FRMD5: variants seen among roughly 807,000 people sequenced by gnomAD.
FRMD5 encodes the protein FERM domain-containing protein 5.
Under a neutral mutation model 69.0 loss-of-function variants are expected in FRMD5, and 20 were observed. The observed-to-expected ratio is 0.29, with a 90% confidence interval of 0.20 to 0.42. The LOEUF (loss-of-function observed/expected upper bound fraction) is 0.42. Ranked by LOEUF, FRMD5 falls within the 10% of genes least tolerant of loss-of-function variation. The pLI is 1.00. For missense variants in FRMD5, 595 were observed against 708.6 expected (o/e 0.84, Z 1.82); for synonymous variants, 271 against 260.1 (o/e 1.04, Z -0.40).
At chr15:44,046,061 T>G (rs1031964216) in intron 1 of FRMD5, among the ~76,000 whole-genome samples, 4 of 152,092 alleles carry the variant, frequency 2.6e-5, no homozygotes, top group African/African-American at 7.2e-5. Context: ...GTCATCTCCT[T>G]GATTAATTTA....
chr15:43,950,628 G>A (rs977703059), intron 1 of FRMD5, among the ~76,000 whole-genome samples: 5 of 152,168 alleles, frequency 3.3e-5, no homozygotes, highest in South Asian at 4.1e-4. Context: ...GAGGCCAAGC[G>A]TTCCCATTCA....
At chr15:43,876,390 G>A (rs1261603696) in intron 13 of FRMD5, 2 of 735,808 alleles carry the variant, frequency 2.7e-6, no homozygotes, top group Non-Finnish European at 4.9e-6. Context: ...GCTTTAAGAG[G>A]CAGGAATGGG....
chr15:43,925,085 A>G (rs1043824589), intron 1 of FRMD5, among the ~76,000 whole-genome samples: 1 of 150,220 alleles, frequency 6.7e-6, no homozygotes, highest in Non-Finnish European at 1.5e-5. Context: ...GCTCACTGCA[A>G]CCTCCACCAC....
chr15:43,949,165 C>A (rs566372179), intron 1 of FRMD5, among the ~76,000 whole-genome samples: 1 of 152,228 alleles, frequency 6.6e-6, no homozygotes, highest in South Asian at 2.1e-4. Flanking sequence ...CCCAAACTTA[C>A]CACTTTGGTG....
At chr15:43,892,720 T>C (rs1054694931) in intron 7 of FRMD5, among the ~76,000 whole-genome samples, 8 of 152,236 alleles carry the variant, frequency 5.3e-5, no homozygotes, top group Admixed American at 1.3e-4. Flanking sequence ...GAAAACATTA[T>C]GCCAAGTGAA....
chr15:43,883,329 C>T (rs2140353952), intron 13 of FRMD5, among the ~76,000 whole-genome samples: 1 of 152,206 alleles, frequency 6.6e-6, no homozygotes, highest in South Asian at 2.1e-4. Context: ...AACTCCTGAC[C>T]TCAAGTGATC....
intron 1 of FRMD5, among the ~76,000 whole-genome samples, chr15:43,984,336 T>C (rs115767036): frequency 2.0e-5 from 3 of 152,170 alleles, no homozygotes; most frequent in Non-Finnish European, 2.9e-5. Flanking sequence ...TTCTCCTCTA[T>C]ACACTGCCTC....
intron 5 of FRMD5, among the ~76,000 whole-genome samples, chr15:43,906,781 TTAG>T (rs2089184277): frequency 7.2e-6 from 1 of 138,378 alleles, no homozygotes; most frequent in Non-Finnish European, 1.5e-5. Context: ...TTTTGTATTT[TTAG>T]TAGAGACGGG....
At chr15:44,185,793 T>C (rs1001964783) in intron 1 of FRMD5, among the ~76,000 whole-genome samples, 1 of 144,556 alleles carries the variant, frequency 6.9e-6, no homozygotes, top group Non-Finnish European at 1.5e-5. Context: ...ACTCTTATCT[T>C]AAAAAAAAAA....
intron 1 of FRMD5, among the ~76,000 whole-genome samples, chr15:44,058,647 G>A (rs1439213387): frequency 1.7e-4 from 26 of 152,104 alleles, no homozygotes; most frequent in African/African-American, 5.5e-4. Flanking sequence ...TTAGCCAGGC[G>A]TGGTGGCGGG....
chr15:43,962,393 A>G (rs1391141451), intron 1 of FRMD5, among the ~76,000 whole-genome samples: 3 of 152,246 alleles, frequency 2.0e-5, no homozygotes, highest in African/African-American at 4.8e-5. Context: ...CCACTGTTCA[A>G]TGAAATAAAA....
At chr15:44,134,067 T>C (rs930277841) in intron 1 of FRMD5, among the ~76,000 whole-genome samples, 1 of 151,756 alleles carries the variant, frequency 6.6e-6, no homozygotes, top group Non-Finnish European at 1.5e-5. Flanking sequence ...GTTCAAAAGA[T>C]AGATGGAAAA....
chr15:43,944,959 T>A (rs76889860), intron 1 of FRMD5, among the ~76,000 whole-genome samples: 8,985 of 151,476 alleles, frequency 0.059, 329 homozygotes, highest in East Asian at 0.18. Flanking sequence ...TTATTTATTT[T>A]TTTTTTTTTT....
At chr15:44,183,997 C>G (rs2078057703) in intron 1 of FRMD5, among the ~76,000 whole-genome samples, 1 of 151,860 alleles carries the variant, frequency 6.6e-6, no homozygotes, top group Non-Finnish European at 1.5e-5. Context: ...AAAAAGATCT[C>G]CAATGTTCTT....
At chr15:43,892,792 C>T (rs1297323430) in intron 7 of FRMD5, among the ~76,000 whole-genome samples, 1 of 152,194 alleles carries the variant, frequency 6.6e-6, no homozygotes, top group Non-Finnish European at 1.5e-5. Context: ...CTAAAAACCA[C>T]TGAATTGTAC....
At chr15:43,997,468 GGT>G (rs1247943261) in intron 1 of FRMD5, among the ~76,000 whole-genome samples, 1 of 152,176 alleles carries the variant, frequency 6.6e-6, no homozygotes, top group Non-Finnish European at 1.5e-5. Context: ...ATTCTCTTGT[GGT>G]TCATCTCATT....
At position 44,178,112 on chromosome 15, in the gene FRMD5, G is replaced by A. The variant is rs112930650; in HGVS notation, c.102+16841C>T. On this transcript the variant is annotated intron_variant, in intron 1 of 13. Transcript: ENST00000417257. ...GCTGAGGCGGGCAGATCATGAGGTC[G>A]AGAGTTCGAGACCAGCCTGGCCAAC... 4.0e-3 allele frequency among the ~76,000 whole-genome samples: 604 copies of A among 152,120 alleles called. 5 individuals carry two copies. Among genetic ancestry groups the A allele is most frequent in the African/African-American group, 0.014 (563 of 41,504 alleles).
At position 44,156,917 on chromosome 15, in the gene FRMD5, A is replaced by T. The variant is rs184772825; in HGVS notation, c.102+38036T>A. Among the ~76,000 whole-genome samples the T allele has an allele frequency of 4.0e-3, 604 of 152,266 alleles. 4 individuals are homozygous for T. The highest frequency in any genetic ancestry group is 0.013 in the African/African-American group (552 of 41,564). On this transcript the variant is annotated intron_variant, in intron 1 of 13. Transcript: ENST00000417257. Reference sequence around the variant, plus strand: ...TTTTGTCCCAAAATATATATATATAAAAATGCAAAAATAAACTGCCCCTTC... The same window carrying T: ...TTTTGTCCCAAAATATATATATATATAAATGCAAAAATAAACTGCCCCTTC...
chr15:44,159,016 T>C (rs1189455146), intron 1 of FRMD5, among the ~76,000 whole-genome samples: 1 of 151,798 alleles, frequency 6.6e-6, no homozygotes, highest in African/African-American at 2.4e-5. Flanking sequence ...ACTGGGAAAA[T>C]CTTCTCAGAC....
Sources: gnomAD v4.1 joint callset for allele counts (sites outside exome capture counted in the v4.1 genomes callset) on GRCh38, gnomAD v4.1.1 for gene constraint, MANE v1.5 for transcripts, NCBI Gene and HGNC (gene_info 2026-07-23, HGNC 2026-07-21) for gene names.